Variants in CTBP2 observed in about 807,000 individuals in gnomAD.
The protein encoded by CTBP2 is C-terminal binding protein 2.
In CTBP2, 30 loss-of-function variants were observed where a neutral mutation model predicts 80.3. That is an observed-to-expected ratio of 0.37 (90% CI 0.28 to 0.51). CTBP2 has a LOEUF of 0.51. Ranked by LOEUF, CTBP2 falls within the 20% of genes least tolerant of loss-of-function variation. The probability of loss-of-function intolerance (pLI) is 0.93; values close to 1 mark genes in which losing one functional copy is unlikely to be tolerated. For missense variants in CTBP2, 1,212 were observed against 1,375.3 expected, an observed-to-expected ratio of 0.88 and a Z score of 1.88; for synonymous variants, 594 against 587.4, an observed-to-expected ratio of 1.01 and a Z score of -0.16.
intron 2 of CTBP2, among the ~76,000 whole-genome samples, chr10:125,043,299 G>C (rs1960363400): frequency 6.6e-6 from 1 of 152,226 alleles, no homozygotes; most frequent in Non-Finnish European, 1.5e-5. Context: ...AATCTGGGCA[G>C]GTTAATTTTA....
In CTBP2 at chr10:124,992,678, T is replaced by G. The variant is rs1263390707; in HGVS notation, c.2777+17A>C. On this transcript the variant is annotated intron_variant, in intron 8 of 8. Coordinates refer to ENST00000309035, the MANE Select transcript of CTBP2 (RefSeq NM_022802.3). ...GTGGTGCTCACAAGCTGAGACAAAG[T>G]CAGTTCCTTTTCTCACCTGTATGTG... 1 of 1,580,116 alleles carries G rather than the reference T, an allele frequency of 6.3e-7. No individual in the cohort carries two copies. Among genetic ancestry groups the G allele is most frequent in the Admixed American group, 1.7e-5 (1 of 57,372 alleles).
chr10:125,125,776 A>G (rs1257968909), intron 1 of CTBP2, among the ~76,000 whole-genome samples: 1 of 152,222 alleles, frequency 6.6e-6, no homozygotes, highest in Non-Finnish European at 1.5e-5. Flanking sequence ...CAGAGATGAC[A>G]GCAAAAACAG....
chr10:125,042,924 C>T (rs192189613), intron 2 of CTBP2, among the ~76,000 whole-genome samples: 1 of 152,270 alleles, frequency 6.6e-6, no homozygotes, highest in Admixed American at 6.5e-5. Flanking sequence ...AGGAAAGTTA[C>T]GGGTATCACA....
At chr10:125,005,498 G>A in intron 1 of CTBP2, 2 of 1,538,346 alleles carry the variant, frequency 1.3e-6, no homozygotes, top group East Asian at 4.7e-5. Context: ...CAGGGCAGGG[G>A]AGGGGGAAAA....
chr10:125,073,794 C>T (rs369088432), intron 2 of CTBP2, among the ~76,000 whole-genome samples: 18 of 152,314 alleles, frequency 1.2e-4, no homozygotes, highest in African/African-American at 3.1e-4. Flanking sequence ...AGCATCTCTG[C>T]GTGCTGCCCC....
At position 125,027,573 on chromosome 10, in the gene CTBP2, G is replaced by T; in HGVS notation, c.187C>A (p.Pro63Thr). The T allele has an allele frequency of 6.2e-7, 1 of 1,614,118 alleles. No individual in the cohort carries two copies. The highest frequency in any genetic ancestry group is 8.5e-7 in the Non-Finnish European group (1 of 1,180,014). ...TACAGGTAGGGCTCGGCGGCCACGG[G>T]CAGGGCAGCGTCCTGTGGTCGGTGG... Residue 63 changes from proline to threonine, a missense_variant, in exon 1 of 9, where the codon CCC (proline) becomes ACC (threonine). This residue lies in a region of CTBP2 where 848 missense variants were observed against 782.3 expected (regional missense o/e 1.08). Coordinates refer to ENST00000309035, the MANE Select transcript of CTBP2 (RefSeq NM_022802.3).
intron 2 of CTBP2, among the ~76,000 whole-genome samples, chr10:125,054,287 C>T (rs1168982537): frequency 6.6e-6 from 1 of 152,248 alleles, no homozygotes; most frequent in South Asian, 2.1e-4. Context: ...GGGGATGTCA[C>T]TTCTGAGATT....
intron 2 of CTBP2, among the ~76,000 whole-genome samples, chr10:125,052,294 G>A (rs1420212349): frequency 6.6e-6 from 1 of 152,192 alleles, no homozygotes; most frequent in Admixed American, 6.5e-5. Context: ...GCCCCAGACA[G>A]CTCAACACGC....
At chr10:125,080,505 G>A (rs1340064443) in intron 2 of CTBP2, among the ~76,000 whole-genome samples, 1 of 152,168 alleles carries the variant, frequency 6.6e-6, no homozygotes, top group African/African-American at 2.4e-5. Flanking sequence ...CCCTAGCATG[G>A]GAGGGCTGCC....
intron 1 of CTBP2, among the ~76,000 whole-genome samples, chr10:125,144,866 C>T (rs192057803): frequency 4.0e-4 from 61 of 152,316 alleles, no homozygotes; most frequent in Admixed American, 2.4e-3. Context: ...AGCAGGTATG[C>T]TCTGACACTG....
chr10:125,021,428 G>A (rs1957027650), intron 1 of CTBP2, among the ~76,000 whole-genome samples: 1 of 152,146 alleles, frequency 6.6e-6, no homozygotes, highest in Admixed American at 6.5e-5. Context: ...CATATTCCTG[G>A]GGTCTACGGC....
chr10:125,066,878 G>A lies in CTBP2; in HGVS notation c.-101-27723C>T, dbSNP rs1844720189. 1.3e-5 allele frequency among the ~76,000 whole-genome samples: 2 copies of A among 152,138 alleles called. No individual in the cohort carries two copies. Among genetic ancestry groups the A allele is most frequent in the South Asian group, 2.1e-4 (1 of 4,826 alleles). ...TCCAGGGAAGCCCAGTGTGTGCGAC[G>A]TGCCTCTTCCTATCTCCCCTGGGCA... On this transcript the variant is annotated intron_variant, in intron 2 of 10. Transcript: ENST00000337195. This position sits in a 1 kb window ranked among gnomAD's most constrained non-coding sequence, Gnocchi z 4.1.
At chr10:125,151,832 T>TCTAGCTGGACCCCC (rs1001125367) in intron 1 of CTBP2, among the ~76,000 whole-genome samples, 1 of 151,776 alleles carries the variant, frequency 6.6e-6, no homozygotes, top group African/African-American at 2.4e-5. Flanking sequence ...TGAGGCGGCG[T>TCTAGCTGGACCCCC]CTAGCTGGAC....
chr10:125,070,736 G>C (rs1050080823), intron 2 of CTBP2, among the ~76,000 whole-genome samples: 2 of 152,034 alleles, frequency 1.3e-5, no homozygotes, highest in African/African-American at 4.8e-5. Context: ...TGTGATCTCA[G>C]CTCACTGCAG....
intron 1 of CTBP2, among the ~76,000 whole-genome samples, chr10:125,143,220 G>C (rs901234537): frequency 2.6e-5 from 4 of 151,158 alleles, no homozygotes; most frequent in Admixed American, 6.6e-5. Context: ...GGGTGTGTTG[G>C]CTCACACCTG....
At position 125,024,816 on chromosome 10, in the gene CTBP2, T is replaced by A. The variant is rs769655569; in HGVS notation, c.1678+1266A>T. 2.3e-4 allele frequency among the ~76,000 whole-genome samples: 35 copies of A among 152,196 alleles called. 1 individual carries two copies. Among genetic ancestry groups the A allele is most frequent in the South Asian group, 1.0e-3 (5 of 4,822 alleles). On this transcript the variant is annotated intron_variant, in intron 1 of 8. Coordinates refer to ENST00000309035, the MANE Select transcript of CTBP2 (RefSeq NM_022802.3). ...CGGAAAAATTATCTGACGTCCCTCC[T>A]GCCGCACATGTATTTGAGAAAGTCA...
chr10:125,052,162 C>T (rs752428113), intron 2 of CTBP2, among the ~76,000 whole-genome samples: 3 of 152,214 alleles, frequency 2.0e-5, no homozygotes, highest in South Asian at 2.1e-4. Context: ...CAGGACCCCC[C>T]GGCAGGAAGC....
intron 1 of CTBP2, among the ~76,000 whole-genome samples, chr10:125,021,930 T>C (rs1210005937): frequency 6.6e-6 from 1 of 152,258 alleles, no homozygotes; most frequent in Non-Finnish European, 1.5e-5. Context: ...GCCGAGGTTC[T>C]TGCTCTACCA....
chr10:125,152,823 G>A (rs1860232716), intron 1 of CTBP2, among the ~76,000 whole-genome samples: 1 of 152,208 alleles, frequency 6.6e-6, no homozygotes. Flanking sequence ...GGGCATCTAC[G>A]CTGAGCCTCT....
Sources: allele counts gnomAD v4.1 joint callset (sites outside exome capture counted in the v4.1 genomes callset), GRCh38; gene constraint gnomAD v4.1.1; regional missense constraint gnomAD v4.1.1; non-coding constraint Gnocchi (gnomAD v3.1); transcripts MANE v1.5; gene names NCBI Gene and HGNC (gene_info 2026-07-23, HGNC 2026-07-21).